Variants in TUB observed in about 807,000 individuals in gnomAD.
TUB encodes the protein TUB bipartite transcription factor.
Under a neutral mutation model 59.7 loss-of-function variants are expected in TUB, and 33 were observed. The ratio of observed to expected loss-of-function variants is 0.55; its 90% confidence interval spans 0.42 to 0.74. TUB has a LOEUF of 0.74. Ranked by LOEUF, TUB falls within the 30% of genes least tolerant of loss-of-function variation. The probability of loss-of-function intolerance (pLI) is 0.00; values close to 1 mark genes in which losing one functional copy is unlikely to be tolerated. For missense variants in TUB, 659 were observed against 672.0 expected (o/e 0.98, Z 0.21); for synonymous variants, 293 against 256.4 (o/e 1.14, Z -1.36).
chr11:8,050,149 G>C (rs1421478570), intron 2 of TUB, among the ~76,000 whole-genome samples: 1 of 152,182 alleles, frequency 6.6e-6, no homozygotes, highest in African/African-American at 2.4e-5. Flanking sequence ...ATGTATGTCA[G>C]GTATGTAGTT....
chr11:8,085,000 G>A (rs1018140948), intron 1 of TUB, among the ~76,000 whole-genome samples: 7 of 152,252 alleles, frequency 4.6e-5, no homozygotes, highest in Admixed American at 2.6e-4. Flanking sequence ...GCAAGTCTCC[G>A]GGTTCCCCCT....
At chr11:8,094,234 CA>C (rs1234058600) in intron 4 of TUB, 45 bp downstream of exon 4, 5 of 1,555,792 alleles carry the variant, frequency 3.2e-6, no homozygotes, top group Non-Finnish European at 4.4e-6. Flanking sequence ...GCCTGGCCTC[CA>C]CTGTAGGGCT....
chr11:8,028,209 G>T (rs1355313090), intron 1 of TUB, among the ~76,000 whole-genome samples: 1 of 152,152 alleles, frequency 6.6e-6, no homozygotes, highest in African/African-American at 2.4e-5. Context: ...AGTGACAAAT[G>T]ATTAGTATTA....
At chr11:8,101,376 T>C in intron 11 of TUB, 110 bp from the exon 12 acceptor site, 2 of 1,383,340 alleles carry the variant, frequency 1.4e-6, no homozygotes, top group Non-Finnish European at 2.0e-6. Context: ...CTGGCATCTC[T>C]GCTTCTCACT....
At chr11:8,051,039 G>A (rs1156483530) in intron 2 of TUB, among the ~76,000 whole-genome samples, 2 of 152,196 alleles carry the variant, frequency 1.3e-5, no homozygotes, top group Admixed American at 1.3e-4. Context: ...GTCAGGAGGG[G>A]AGCCCGGGGA....
At position 8,090,075 on chromosome 11, in the gene TUB, C is replaced by A; in HGVS notation, c.97C>A (p.Leu33Met). ...RQQKLDRQRA[L>M]LEQKQKKKRQ... ...AACCTCTGTGCCTCCATAGCGGGCCCTGCTGGAGCAGAAGCAGAAGAAGAA... is the reference window on the plus strand; with the variant it reads ...AACCTCTGTGCCTCCATAGCGGGCCATGCTGGAGCAGAAGCAGAAGAAGAA... The change falls in exon 3 of 12, where the codon CTG (leucine) becomes ATG (methionine). Residue 33 changes from leucine (L) to methionine (M), a missense_variant. Coordinates refer to ENST00000299506, the MANE Select transcript of TUB (RefSeq NM_177972.3). 6.2e-7 allele frequency: 1 copy of A among 1,605,764 alleles called. No homozygotes were observed. The highest frequency in any genetic ancestry group is 1.1e-5 in the South Asian group (1 of 90,208).
intron 9 of TUB, among the ~76,000 whole-genome samples, 196 bp from the exon 10 acceptor site, chr11:8,100,307 G>A (rs995159090): frequency 2.0e-5 from 3 of 152,158 alleles, no homozygotes; most frequent in Non-Finnish European, 1.5e-5. Context: ...CAAGGATGAC[G>A]CATAAGAGGA....
intron 4 of TUB, among the ~76,000 whole-genome samples, chr11:8,095,075 T>C (rs1943925742): frequency 1.3e-5 from 2 of 152,312 alleles, no homozygotes; most frequent in South Asian, 4.1e-4. Flanking sequence ...TTACTGCACG[T>C]GTGTATGTTG....
At position 8,090,056 on chromosome 11, in the gene TUB, T is replaced by C; in HGVS notation, c.91-13T>C. The C allele has an allele frequency of 6.3e-7, 1 of 1,587,710 alleles. No homozygotes were observed. The highest frequency in any genetic ancestry group is 8.6e-7 in the Non-Finnish European group (1 of 1,166,994). ...TGGAGGCAGTGGGTCAGCCAACCTC[T>C]GTGCCTCCATAGCGGGCCCTGCTGG... On this transcript the variant is annotated splice_polypyrimidine_tract_variant and intron_variant, in intron 2 of 11. Coordinates refer to ENST00000299506, the MANE Select transcript of TUB (RefSeq NM_177972.3).
At chr11:8,093,891 G>C (rs1943866284) in intron 3 of TUB, among the ~76,000 whole-genome samples, 155 bp from the exon 4 acceptor site, 1 of 152,124 alleles carries the variant, frequency 6.6e-6, no homozygotes, top group Non-Finnish European at 1.5e-5. Context: ...GAGATGAGTG[G>C]GCCTGATCCT....
intron 2 of TUB, among the ~76,000 whole-genome samples, chr11:8,046,116 C>T (rs1162398030): frequency 6.6e-6 from 1 of 152,108 alleles, no homozygotes; most frequent in Non-Finnish European, 1.5e-5. Context: ...CTTTCTCAGT[C>T]TCTTGCTCTC....
chr11:8,050,187 ATAG>A (rs1942911447), intron 2 of TUB, among the ~76,000 whole-genome samples: 1 of 152,218 alleles, frequency 6.6e-6, no homozygotes. Flanking sequence ...TTATTGCTGT[ATAG>A]TATTCAATTG....
chr11:8,033,531 A>C (rs2133714838), intron 1 of TUB, among the ~76,000 whole-genome samples: 1 of 152,332 alleles, frequency 6.6e-6, no homozygotes, highest in South Asian at 2.1e-4. Flanking sequence ...GTAGTTCAGG[A>C]CATATTGACC....
At chr11:8,039,534 A>AGCTG in intron 1 of TUB, 2 of 917,612 alleles carry the variant, frequency 2.2e-6, no homozygotes, top group Non-Finnish European at 3.1e-6. Flanking sequence ...GGCAGCTGAG[A>AGCTG]CCAGGGCACT....
intron 4 of TUB, 63 bp from the exon 5 acceptor site, chr11:8,095,435 C>T: frequency 6.5e-7 from 1 of 1,528,872 alleles, no homozygotes; most frequent in Admixed American, 2.0e-5. Flanking sequence ...TCATGGACGT[C>T]TGAGAATCCA....
chr11:8,062,836 G>C (rs1943159586), intron 2 of TUB, among the ~76,000 whole-genome samples: 1 of 152,066 alleles, frequency 6.6e-6, no homozygotes, highest in Admixed American at 6.6e-5. Context: ...CACCTACCCG[G>C]GGCCAGGAAG....
chr11:8,088,897 C>T (rs4074238), intron 1 of TUB, among the ~76,000 whole-genome samples: 1 of 152,174 alleles, frequency 6.6e-6, no homozygotes, highest in Non-Finnish European at 1.5e-5. Context: ...GTCTGCAGCC[C>T]GGGAAGGACC....
chr11:8,031,507 G>A (rs549754649), intron 1 of TUB, among the ~76,000 whole-genome samples: 87 of 152,354 alleles, frequency 5.7e-4, no homozygotes, highest in Non-Finnish European at 1.1e-3. Context: ...GTGAGCTGTG[G>A]TGGGGTAGAG....
chr11:8,069,001 T>C (rs906923928), intron 2 of TUB: 4 of 152,108 alleles, frequency 2.6e-5, no homozygotes, highest in African/African-American at 9.7e-5. Context: ...AAACCACAAA[T>C]GGGGAATGAT....
Sources: allele counts gnomAD v4.1 joint callset (sites outside exome capture counted in the v4.1 genomes callset), GRCh38; gene constraint gnomAD v4.1.1; transcripts MANE v1.5; gene names NCBI Gene and HGNC (gene_info 2026-07-23, HGNC 2026-07-21).